The following APBB2 variants were observed in gnomAD, a reference collection of about 807,000 sequenced individuals.
APBB2 encodes the protein Fe65-like 1.
A neutral mutation model predicts 82.5 loss-of-function variants in APBB2; 38 were observed. The observed-to-expected ratio is 0.46, with a 90% CI of 0.36 to 0.60. The LOEUF is 0.60. APBB2 is among the 20% of genes least tolerant of loss of function. APBB2 has a pLI of 0.00. For synonymous variants in APBB2, 341 were observed against 368.2 expected, an observed-to-expected ratio of 0.93 and a Z score of 0.85; for missense variants, 772 against 972.3, an observed-to-expected ratio of 0.79 and a Z score of 2.74.
intron 4 of APBB2, among the ~76,000 whole-genome samples, chr4:41,048,945 G>A (rs1222196716): frequency 2.0e-5 from 3 of 152,146 alleles, no homozygotes; most frequent in African/African-American, 4.8e-5. Context: ...GATTGCAGAC[G>A]GAGTCTCGTT....
chr4:40,821,833 G>A (rs1335163035), intron 17 of APBB2, 38 bp downstream of exon 17: 12 of 1,598,914 alleles, frequency 7.5e-6, no homozygotes, highest in Non-Finnish European at 1.0e-5. Flanking sequence ...GATGAGCAGA[G>A]GCGGGAGGGC....
At position 40,943,626 on chromosome 4, in the gene APBB2, T is replaced by C. The variant is rs149470795; in HGVS notation, c.1044+1239A>G. On this transcript the variant is annotated intron_variant, in intron 7 of 17. Coordinates refer to ENST00000508593, the MANE Select transcript of APBB2 (RefSeq NM_004307.2). ...CATCTTTATCCCCCAGCACACCTAA[T>C]GCAAGATGAACAAAAGGCTGAACAA... is the stretch of plus-strand genomic sequence containing the variant. 3.3e-5 allele frequency among the ~76,000 whole-genome samples: 5 copies of C among 152,274 alleles called. No individual in the cohort carries two copies. The East Asian group carries it at 9.7e-4, about 29-fold the overall frequency.
intron 6 of APBB2, among the ~76,000 whole-genome samples, chr4:40,981,734 A>G (rs1798525002): frequency 6.6e-6 from 1 of 152,198 alleles, no homozygotes; most frequent in Non-Finnish European, 1.5e-5. Flanking sequence ...CTTCCACTGC[A>G]GCAGTTACAT....
intron 12 of APBB2, among the ~76,000 whole-genome samples, chr4:40,865,086 A>G (rs957170605): frequency 3.3e-5 from 5 of 151,902 alleles, no homozygotes; most frequent in African/African-American, 1.2e-4. Context: ...TCGAACTCCT[A>G]ACCTCAAGTG....
intron 5 of APBB2, among the ~76,000 whole-genome samples, chr4:41,021,915 C>A (rs1711684484): frequency 6.6e-6 from 1 of 152,138 alleles, no homozygotes; most frequent in Non-Finnish European, 1.5e-5. Context: ...GGACGCACCA[C>A]CTTAACACTC....
At chr4:41,001,863 G>A (rs550984605) in intron 6 of APBB2, among the ~76,000 whole-genome samples, 2 of 150,286 alleles carry the variant, frequency 1.3e-5, no homozygotes, top group Admixed American at 1.3e-4. Context: ...GGGTGACAGA[G>A]TGAGACTCCG....
At chr4:41,077,119 C>T (rs1307530075) in intron 3 of APBB2, among the ~76,000 whole-genome samples, 1 of 151,628 alleles carries the variant, frequency 6.6e-6, no homozygotes, top group East Asian at 1.9e-4. Context: ...ATCCTCCCAC[C>T]TCAACTTCCC....
At chr4:41,167,684 T>G (rs1471537839) in intron 1 of APBB2, among the ~76,000 whole-genome samples, 1 of 152,174 alleles carries the variant, frequency 6.6e-6, no homozygotes, top group East Asian at 1.9e-4. Flanking sequence ...TAGGGCAATA[T>G]TCCTTCTAAT....
intron 1 of APBB2, among the ~76,000 whole-genome samples, chr4:41,200,199 A>C (rs73232116): frequency 1.3e-5 from 2 of 152,156 alleles, no homozygotes; most frequent in Admixed American, 6.5e-5. Context: ...TGCACTATAG[A>C]GCAAAGCTGG....
chr4:41,155,571 G>C (rs569151951), intron 1 of APBB2, among the ~76,000 whole-genome samples: 1 of 152,160 alleles, frequency 6.6e-6, no homozygotes, highest in African/African-American at 2.4e-5. Flanking sequence ...GGAGAAAGGA[G>C]GACGAATAAG....
At chr4:40,965,144 G>A (rs930346602) in intron 6 of APBB2, among the ~76,000 whole-genome samples, 5 of 151,398 alleles carry the variant, frequency 3.3e-5, no homozygotes, top group African/African-American at 1.2e-4. Context: ...AAAAAAAAAT[G>A]GTTGACTATG....
chr4:41,053,530 G>C (rs1022755750), intron 4 of APBB2, among the ~76,000 whole-genome samples: 3 of 152,146 alleles, frequency 2.0e-5, no homozygotes, highest in Admixed American at 6.6e-5. Context: ...AGTTTGAAAA[G>C]TGGCAAAAAA....
intron 5 of APBB2, among the ~76,000 whole-genome samples, chr4:41,027,220 A>C (rs2154436486): frequency 6.9e-6 from 1 of 145,332 alleles, no homozygotes; most frequent in Non-Finnish European, 1.5e-5. Context: ...TGCAGTGAGC[A>C]GCAGGACCTA....
Position 40,846,756 on chromosome 4 carries a change from C to A in APBB2, c.1530-16179G>T, listed in dbSNP as rs370324184. On this transcript the variant is annotated intron_variant, in intron 12 of 17. Transcript: ENST00000508593. ...GAAATTCAAGGCACATTATTCTAAA[C>A]AAAGGACTTTCTCATGCCATTGGAG... Among the ~76,000 whole-genome samples, 6 of 152,240 alleles carry A rather than the reference C, an allele frequency of 3.9e-5. 1 individual carries two copies. In the South Asian group the frequency reaches 1.2e-3, roughly 32 times the overall value.
chr4:40,846,385 G>C (rs560669311), intron 12 of APBB2, among the ~76,000 whole-genome samples: 1 of 149,692 alleles, frequency 6.7e-6, no homozygotes, highest in East Asian at 1.9e-4. Flanking sequence ...AATTTTGGAA[G>C]GGGGCAGAGC....
At chr4:41,014,510 T>C (rs1042798205) in intron 5 of APBB2, 112 bp from the exon 6 acceptor site, 5 of 996,630 alleles carry the variant, frequency 5.0e-6, no homozygotes, top group South Asian at 1.4e-5. Context: ...CCACTGCACA[T>C]ACATTCTCAT....
At chr4:41,021,075 A>G (rs1811354584) in intron 5 of APBB2, among the ~76,000 whole-genome samples, 1 of 152,136 alleles carries the variant, frequency 6.6e-6, no homozygotes, top group South Asian at 2.1e-4. Flanking sequence ...CGGGCCCTGT[A>G]TTTTTAATCT....
At chr4:40,932,532 TGC>T (rs982746307) in intron 10 of APBB2, among the ~76,000 whole-genome samples, 10 of 152,284 alleles carry the variant, frequency 6.6e-5, no homozygotes, top group Admixed American at 3.3e-4. Context: ...CCCTCTTAAG[TGC>T]TACTAAGAAA....
At chr4:40,992,573 C>T (rs894143971) in intron 6 of APBB2, among the ~76,000 whole-genome samples, 1 of 152,092 alleles carries the variant, frequency 6.6e-6, no homozygotes, top group African/African-American at 2.4e-5. Context: ...GTCTTGGACA[C>T]CTCATTAATA....
Sources: gnomAD v4.1 joint callset for allele counts (sites outside exome capture counted in the v4.1 genomes callset) on GRCh38, gnomAD v4.1.1 for gene constraint, MANE v1.5 for transcripts, NCBI Gene and HGNC (gene_info 2026-07-23, HGNC 2026-07-21) for gene names.